CACNA2D1: variants seen among roughly 807,000 people sequenced by gnomAD.
CACNA2D1 encodes voltage-dependent calcium channel subunit alpha-2/delta-1.
In CACNA2D1, 53 loss-of-function variants were observed where a neutral mutation model predicts 171.5. The observed-to-expected ratio is 0.31, with a 90% CI of 0.25 to 0.39. The LOEUF (loss-of-function observed/expected upper bound fraction) is 0.39, where lower values mean the gene tolerates loss of function less well. Ranked by LOEUF, CACNA2D1 falls within the 10% of genes least tolerant of loss-of-function variation. The pLI, the probability that CACNA2D1 is intolerant of heterozygous loss-of-function variation, is 1.00. For synonymous variants in CACNA2D1, 442 were observed against 443.1 expected (o/e 1.00, Z 0.03); for missense variants, 903 against 1,299.8 (o/e 0.69, Z 4.69).
intron 6 of CACNA2D1, among the ~76,000 whole-genome samples, chr7:82,093,857 ACT>A (rs1811533356): frequency 6.6e-6 from 1 of 152,046 alleles, no homozygotes; most frequent in Non-Finnish European, 1.5e-5. Flanking sequence ...CTGAGAAGAA[ACT>A]CTGGCTGAGA....
chr7:82,431,337 T>C (rs1317066129), intron 1 of CACNA2D1, among the ~76,000 whole-genome samples: 1 of 152,216 alleles, frequency 6.6e-6, no homozygotes, highest in Non-Finnish European at 1.5e-5. Context: ...GCACACATAA[T>C]GAAGCCTGGC....
At chr7:82,279,902 A>G (rs1809863646) in intron 3 of CACNA2D1, among the ~76,000 whole-genome samples, 1 of 152,184 alleles carries the variant, frequency 6.6e-6, no homozygotes, top group South Asian at 2.1e-4. Flanking sequence ...TTTTCACACA[A>G]TCTGGTCTCT....
At chr7:82,171,772 T>C (rs1286418157) in intron 3 of CACNA2D1, among the ~76,000 whole-genome samples, 1 of 152,192 alleles carries the variant, frequency 6.6e-6, no homozygotes, top group East Asian at 1.9e-4. Context: ...GAAAAGTAAA[T>C]ATAATAAATA....
At chr7:82,248,407 T>A (rs753025543) in intron 3 of CACNA2D1, among the ~76,000 whole-genome samples, 5 of 152,096 alleles carry the variant, frequency 3.3e-5, no homozygotes, top group Non-Finnish European at 7.4e-5. Flanking sequence ...CACCCAGGGG[T>A]GACCCCATTT....
At chr7:82,220,459 T>C (rs2129247081) in intron 3 of CACNA2D1, among the ~76,000 whole-genome samples, 1 of 152,312 alleles carries the variant, frequency 6.6e-6, no homozygotes, top group Non-Finnish European at 1.5e-5. Context: ...CTCATGACTC[T>C]TTTACATTCT....
chr7:82,443,270 C>A, intron 1 of CACNA2D1, 95 bp downstream of exon 1: 8 of 1,273,300 alleles, frequency 6.3e-6, no homozygotes, highest in Non-Finnish European at 7.6e-6. Flanking sequence ...CCCACCCCCA[C>A]GGGCGGAAAA....
intron 4 of CACNA2D1, among the ~76,000 whole-genome samples, chr7:82,160,514 G>C (rs973802642): frequency 1.3e-5 from 2 of 151,984 alleles, no homozygotes; most frequent in Non-Finnish European, 2.9e-5. Flanking sequence ...AATAAGATTT[G>C]GGAGATATGT....
At chr7:82,081,152 T>C (rs1189230543) in intron 7 of CACNA2D1, among the ~76,000 whole-genome samples, 1 of 152,206 alleles carries the variant, frequency 6.6e-6, no homozygotes, top group African/African-American at 2.4e-5. Flanking sequence ...ATATGTGCTG[T>C]TGCCATTTAT....
At chr7:82,034,671 A>AAAT (rs936746216) in intron 11 of CACNA2D1, among the ~76,000 whole-genome samples, 2 of 152,006 alleles carry the variant, frequency 1.3e-5, no homozygotes, top group African/African-American at 4.8e-5. Flanking sequence ...TGCATGTGTA[A>AAAT]AATAGTCAAA....
At chr7:82,112,366 T>C (rs76808722) in intron 6 of CACNA2D1, among the ~76,000 whole-genome samples, 9,320 of 152,242 alleles carry the variant, frequency 0.061, 411 homozygotes, top group South Asian at 0.14. Context: ...ACCAAAACCA[T>C]GAACAAGTTT....
intron 10 of CACNA2D1, among the ~76,000 whole-genome samples, chr7:82,059,934 G>A (rs867616889): frequency 1.8e-5 from 2 of 111,322 alleles, no homozygotes; most frequent in Non-Finnish European, 3.5e-5. Context: ...CTCATAGGTG[G>A]GAATTGAACA....
intron 3 of CACNA2D1, among the ~76,000 whole-genome samples, chr7:82,206,103 A>G (rs3801710): frequency 0.2 from 29,717 of 151,974 alleles, 3,110 homozygotes; most frequent in African/African-American, 0.26. Context: ...TTAACAAAAT[A>G]TGACTTGAAT....
chr7:82,358,478 T>C (rs1820708774), intron 1 of CACNA2D1, among the ~76,000 whole-genome samples: 1 of 152,200 alleles, frequency 6.6e-6, no homozygotes, highest in Admixed American at 6.5e-5. Context: ...ACACTGCTGC[T>C]CTGTTTTTAG....
At chr7:82,124,485 A>T (rs1448415337) in intron 5 of CACNA2D1, among the ~76,000 whole-genome samples, 1 of 152,142 alleles carries the variant, frequency 6.6e-6, no homozygotes, top group Non-Finnish European at 1.5e-5. Flanking sequence ...GACTGACTGC[A>T]GGCCAAATCT....
At chr7:82,169,540 G>T (rs979464602) in intron 4 of CACNA2D1, among the ~76,000 whole-genome samples, 1 of 152,008 alleles carries the variant, frequency 6.6e-6, no homozygotes, top group Non-Finnish European at 1.5e-5. Flanking sequence ...ATATCATTTA[G>T]TGCATTTTCC....
intron 3 of CACNA2D1, among the ~76,000 whole-genome samples, chr7:82,326,147 TG>T (rs1714318650): frequency 6.6e-6 from 1 of 152,212 alleles, no homozygotes; most frequent in East Asian, 1.9e-4. Context: ...TTATCTTACT[TG>T]TTCATATTAA....
At chr7:82,394,587 A>T (rs1383308361) in intron 1 of CACNA2D1, among the ~76,000 whole-genome samples, 1 of 152,188 alleles carries the variant, frequency 6.6e-6, no homozygotes, top group Non-Finnish European at 1.5e-5. Flanking sequence ...CAGAAAAATG[A>T]ATCATTCCTG....
At chr7:82,422,202 C>A (rs1193569411) in intron 1 of CACNA2D1, among the ~76,000 whole-genome samples, 1 of 152,084 alleles carries the variant, frequency 6.6e-6, no homozygotes, top group Non-Finnish European at 1.5e-5. Context: ...TAATATCTTA[C>A]TGCAATAATT....
chr7:82,283,357 A>T (rs1810362865), intron 3 of CACNA2D1, among the ~76,000 whole-genome samples: 2 of 152,224 alleles, frequency 1.3e-5, no homozygotes, highest in Admixed American at 6.5e-5. Flanking sequence ...GGGCAGGTGA[A>T]CAGTGAAAAG....
Sources: allele counts gnomAD v4.1 joint callset (sites outside exome capture counted in the v4.1 genomes callset), GRCh38; gene constraint gnomAD v4.1.1; transcripts MANE v1.5; gene names NCBI Gene and HGNC (gene_info 2026-07-23, HGNC 2026-07-21).